NRXN3: variants seen among roughly 807,000 people sequenced by gnomAD.
NRXN3 encodes the protein neurexin III.
NRXN3 carries 32 observed loss-of-function variants against 137.6 expected under a neutral mutation model. The ratio of observed to expected loss-of-function variants is 0.23; its 90% CI spans 0.18 to 0.31. The LOEUF is 0.31. Among genes scored for constraint, NRXN3 ranks in the 10% least tolerant of loss-of-function variants. The pLI is 1.00. For missense variants in NRXN3, 1,574 were observed against 2,062.5 expected, an observed-to-expected ratio of 0.76 and a Z score of 4.59; for synonymous variants, 798 against 784.5, an observed-to-expected ratio of 1.02 and a Z score of -0.29.
chr14:78,790,339 T>G (rs964522113), intron 8 of NRXN3, among the ~76,000 whole-genome samples: 10 of 152,172 alleles, frequency 6.6e-5, no homozygotes, highest in Admixed American at 5.9e-4. Flanking sequence ...CTCTAGATTT[T>G]GGGGAATGAG....
intron 4 of NRXN3, among the ~76,000 whole-genome samples, chr14:78,539,184 G>A (rs1004289469): frequency 1.6e-4 from 25 of 152,290 alleles, no homozygotes; most frequent in African/African-American, 5.1e-4. Flanking sequence ...GTTTTAGAAG[G>A]AATGCTAGCA....
rs543530772 is a variant in NRXN3, at chr14:78,563,889, G to C, written c.758-81231G>C. Among the ~76,000 whole-genome samples the C allele has an allele frequency of 2.0e-5, 3 of 152,322 alleles. No individual in the cohort carries two copies. The South Asian group carries it at 6.2e-4, about 32-fold the overall frequency. ...AATGGGATCATGGGGGACCCAGAAG[G>C]AGGAAGCAGAACTGGAAGATGTTTC... is the stretch of plus-strand genomic sequence containing the variant. On this transcript the variant is annotated intron_variant, in intron 4 of 20. Coordinates refer to ENST00000335750, the MANE Select transcript of NRXN3 (RefSeq NM_001330195.2).
intron 19 of NRXN3, among the ~76,000 whole-genome samples, chr14:79,776,389 G>C (rs1000271769): frequency 1.3e-5 from 2 of 152,100 alleles, no homozygotes; most frequent in Non-Finnish European, 2.9e-5. Context: ...AATATGGCTT[G>C]TGACCCATGC....
chr14:78,682,595 G>A (rs979349311), intron 6 of NRXN3, among the ~76,000 whole-genome samples: 3 of 151,986 alleles, frequency 2.0e-5, no homozygotes, highest in Non-Finnish European at 4.4e-5. Flanking sequence ...CATTAATTGA[G>A]CATTTACTAT....
intron 16 of NRXN3, among the ~76,000 whole-genome samples, chr14:79,515,847 G>A (rs1421694788): frequency 6.6e-6 from 1 of 152,128 alleles, no homozygotes; most frequent in Non-Finnish European, 1.5e-5. Flanking sequence ...GCAGTGTTTA[G>A]CGTGGCATAA....
rs2097584927 is a variant in NRXN3 at position 78,638,423 on chromosome 14, C to T, written c.758-6697C>T. On this transcript the variant is annotated intron_variant, in intron 4 of 20. Coordinates refer to ENST00000335750, the MANE Select transcript of NRXN3 (RefSeq NM_001330195.2). ...CTCTGCAGCTTGATCTCTCTTAATGCTTTCTTTGGCCCTAAAATACATTGT... is the reference window on the plus strand; with the variant it reads ...CTCTGCAGCTTGATCTCTCTTAATGTTTTCTTTGGCCCTAAAATACATTGT... 2.6e-5 allele frequency among the ~76,000 whole-genome samples: 4 copies of T among 152,134 alleles called. No homozygotes were observed. The South Asian group carries it at 8.3e-4, about 31-fold the overall frequency.
chr14:79,237,280 G>T (rs1302336941), intron 15 of NRXN3, among the ~76,000 whole-genome samples: 1 of 152,112 alleles, frequency 6.6e-6, no homozygotes, highest in Non-Finnish European at 1.5e-5. Flanking sequence ...TCTATTTAAA[G>T]TATTGTAAGG....
intron 10 of NRXN3, among the ~76,000 whole-genome samples, chr14:78,844,108 C>G (rs558566732): frequency 5.3e-5 from 8 of 152,214 alleles, no homozygotes; most frequent in African/African-American, 1.9e-4. Flanking sequence ...CATTCCTTGT[C>G]TCTTCCAGTT....
At chr14:78,531,615 T>G (rs897719721) in intron 4 of NRXN3, among the ~76,000 whole-genome samples, 5 of 141,790 alleles carry the variant, frequency 3.5e-5, no homozygotes, top group African/African-American at 1.0e-4. Context: ...GAGTATCATT[T>G]CCTTTTTTTT....
intron 1 of NRXN3, among the ~76,000 whole-genome samples, chr14:78,208,926 T>C (rs2062471559): frequency 6.6e-6 from 1 of 152,192 alleles, no homozygotes; most frequent in Admixed American, 6.5e-5. Flanking sequence ...TTACTAAGCT[T>C]TATAATCCCA....
At chr14:78,437,292 GT>G (rs377230698) in intron 4 of NRXN3, among the ~76,000 whole-genome samples, 5 of 151,836 alleles carry the variant, frequency 3.3e-5, no homozygotes, top group African/African-American at 1.2e-4. Context: ...TGATTTCAAA[GT>G]TCAGGTTCTT....
intron 16 of NRXN3, among the ~76,000 whole-genome samples, chr14:79,549,699 TC>T (rs2097355146): frequency 6.6e-6 from 1 of 151,980 alleles, no homozygotes; most frequent in African/African-American, 2.4e-5. Flanking sequence ...AGTCACTGGG[TC>T]CCCGGGGCCA....
intron 15 of NRXN3, among the ~76,000 whole-genome samples, chr14:79,157,384 G>T (rs1306341351): frequency 2.6e-5 from 4 of 151,760 alleles, no homozygotes; most frequent in Admixed American, 6.6e-5. Flanking sequence ...CCACCTTGGG[G>T]TCACTGTGGA....
At chr14:79,724,894 T>G (rs1377652835) in intron 19 of NRXN3, among the ~76,000 whole-genome samples, 3 of 152,016 alleles carry the variant, frequency 2.0e-5, no homozygotes, top group African/African-American at 7.2e-5. Flanking sequence ...ATGCTTTCAT[T>G]TAGTGCTGAA....
chr14:78,972,517 A>G (rs1243632957), intron 14 of NRXN3, among the ~76,000 whole-genome samples: 4 of 152,100 alleles, frequency 2.6e-5, no homozygotes, highest in African/African-American at 9.7e-5. Context: ...GCTCCATCTG[A>G]TTGCACACAC....
chr14:79,788,734 A>C (rs1022433911), intron 19 of NRXN3, among the ~76,000 whole-genome samples: 5 of 152,206 alleles, frequency 3.3e-5, no homozygotes, highest in Admixed American at 2.6e-4. Flanking sequence ...AAGGGAAAAT[A>C]GTGTAAGTCA....
chr14:79,518,714 T>A (rs1240803438), intron 16 of NRXN3, among the ~76,000 whole-genome samples: 1 of 152,182 alleles, frequency 6.6e-6, no homozygotes, highest in East Asian at 1.9e-4. Context: ...TTAATTGCAT[T>A]AGATAATAAT....
intron 15 of NRXN3, among the ~76,000 whole-genome samples, chr14:79,333,476 G>A (rs1463593633): frequency 6.6e-6 from 1 of 152,090 alleles, no homozygotes; most frequent in Non-Finnish European, 1.5e-5. Context: ...GTTTTATGTG[G>A]CACTGTTTTC....
At chr14:79,564,391 GA>G (rs2097529235) in intron 16 of NRXN3, among the ~76,000 whole-genome samples, 1 of 152,112 alleles carries the variant, frequency 6.6e-6, no homozygotes, top group South Asian at 2.1e-4. Context: ...ATCTTTAGTA[GA>G]ATGTGCTTTA....
Sources: gnomAD v4.1 joint callset for allele counts (sites outside exome capture counted in the v4.1 genomes callset) on GRCh38, gnomAD v4.1.1 for gene constraint, MANE v1.5 for transcripts, NCBI Gene and HGNC (gene_info 2026-07-23, HGNC 2026-07-21) for gene names.